The following ABCC8 variants were observed in gnomAD, a reference collection of about 807,000 sequenced individuals.
ABCC8 encodes ATP-binding cassette sub-family C member 8.
ABCC8 carries 137 observed loss-of-function variants against 188.0 expected under a neutral mutation model. That is an observed-to-expected ratio of 0.73 (90% CI 0.63 to 0.84). The LOEUF (loss-of-function observed/expected upper bound fraction) is 0.84. Ranked by LOEUF, ABCC8 falls within the 40% of genes least tolerant of loss-of-function variation. The probability of loss-of-function intolerance (pLI) is 0.00; values close to 1 mark genes in which losing one functional copy is unlikely to be tolerated. For synonymous variants in ABCC8, 797 were observed against 846.5 expected, an observed-to-expected ratio of 0.94 and a Z score of 1.01; for missense variants, 1,750 against 2,072.7, an observed-to-expected ratio of 0.84 and a Z score of 3.02.
rs973230186 is a variant in ABCC8, at chr11:17,470,017, T to C, written c.412+84A>G. On this transcript the variant is annotated intron_variant, in intron 3 of 38. Coordinates refer to ENST00000389817, the MANE Select transcript of ABCC8 (RefSeq NM_000352.6). ...TCCAAATCTCTACTGTTTAGAGCAA[T>C]AGCTGGCACATAATGAGTCCTCAGT... 4 of 1,532,426 alleles carry C rather than the reference T, an allele frequency of 2.6e-6. No homozygotes were observed. In the African/African-American group the frequency reaches 4.1e-5, roughly 16 times the overall value. The allele number at this position is 1,532,426 out of a possible 1,614,324, so 94.9% of individuals were successfully genotyped here. A position where few individuals can be genotyped will look rare whatever the true frequency, so the allele number is the denominator to read the frequency against.
chr11:17,431,501 C>T (rs977223809), intron 11 of ABCC8, among the ~76,000 whole-genome samples: 1 of 152,232 alleles, frequency 6.6e-6, no homozygotes, highest in Non-Finnish European at 1.5e-5. Context: ...GGGACACTGG[C>T]CCCGGGGGAA....
intron 16 of ABCC8, among the ~76,000 whole-genome samples, chr11:17,418,670 A>C (rs993719016): frequency 6.6e-5 from 10 of 152,142 alleles, no homozygotes; most frequent in African/African-American, 2.4e-4. Flanking sequence ...CCCAGCACAC[A>C]GTAAGCTCTC....
rs1954056352 is a variant in ABCC8 at position 17,398,413 on chromosome 11, G to C, written c.3679C>G (p.Leu1227Val). 1.2e-6 allele frequency: 2 copies of C among 1,614,154 alleles called. No individual in the cohort carries two copies. Among genetic ancestry groups the C allele is most frequent in the Non-Finnish European group, 1.7e-6 (2 of 1,180,012 alleles). ...RYEARFQQKL[L>V]EYTDSNNIAS... ...ATGTTGTTGGAGTCTGTGTATTCGAGAAGCTTCTGCTGGAACCGGGCCTCA... is the reference window on the plus strand; with the variant it reads ...ATGTTGTTGGAGTCTGTGTATTCGACAAGCTTCTGCTGGAACCGGGCCTCA... The change falls in exon 30 of 39, where the codon CTC becomes GTC. Residue 1227 changes from leucine to valine, a missense_variant. By Grantham distance (32) the Leu-to-Val change is conservative. Transcript: ENST00000389817.
At chr11:17,459,287 A>G (rs1270242830) in intron 6 of ABCC8, among the ~76,000 whole-genome samples, 3 of 152,236 alleles carry the variant, frequency 2.0e-5, no homozygotes, top group Non-Finnish European at 4.4e-5. Context: ...ACAGCCAGGT[A>G]TGTATTATGT....
intron 10 of ABCC8, among the ~76,000 whole-genome samples, chr11:17,432,510 C>T (rs1237795272): frequency 6.6e-6 from 1 of 152,162 alleles, no homozygotes; most frequent in Non-Finnish European, 1.5e-5. Flanking sequence ...AAGTTAGCCC[C>T]ACGGGAAAGT....
Position 17,427,825 on chromosome 11 carries a change from G to A in ABCC8, c.2116+42C>T. The A allele has an allele frequency of 1.9e-6, 3 of 1,610,728 alleles. No individual in the cohort carries two copies. The highest frequency in any genetic ancestry group is 2.5e-6 in the Non-Finnish European group (3 of 1,178,150). ...TTTTTATCTCTATGTTATTCAGTGG[G>A]ACATGGGGAGGGGCATGCTGGAGGG... On this transcript the variant is annotated intron_variant, in intron 15 of 38. Coordinates refer to ENST00000389817, the MANE Select transcript of ABCC8 (RefSeq NM_000352.6). The surrounding 1 kb of genome is among the most constrained non-coding windows in gnomAD (Gnocchi z 5.0).
intron 30 of ABCC8, 29 bp from the exon 31 acceptor site, chr11:17,397,826 G>A (rs369904679): frequency 1.3e-4 from 217 of 1,611,572 alleles, no homozygotes; most frequent in Non-Finnish European, 1.7e-4. Flanking sequence ...TGACCTGGGC[G>A]CTCAGGGGTT....
At chr11:17,397,148 A>G (rs201164759) in intron 32 of ABCC8, 45 bp downstream of exon 32, 129 of 1,612,454 alleles carry the variant, frequency 8.0e-5, no homozygotes, top group Middle Eastern at 1.6e-4. Flanking sequence ...ACCCAGACAC[A>G]CTCCTCCTTG....
chr11:17,459,344 A>G (rs1442617867), intron 6 of ABCC8, among the ~76,000 whole-genome samples: 1 of 152,162 alleles, frequency 6.6e-6, no homozygotes, highest in Non-Finnish European at 1.5e-5. Flanking sequence ...CATCATAACT[A>G]TTGCTTTCAT....
Position 17,463,621 on chromosome 11 carries a change from G to A in ABCC8, c.413-17C>T. On this transcript the variant is annotated splice_polypyrimidine_tract_variant and intron_variant, in intron 3 of 38. Coordinates refer to ENST00000389817, the MANE Select transcript of ABCC8 (RefSeq NM_000352.6). ...CCAGCAGGGCTGCCGAGGAGAGATG[G>A]AAGATCGCAGAGACGTGTGTGCATC... 1 of 1,562,980 alleles carries A rather than the reference G, an allele frequency of 6.4e-7. No individual in the cohort carries two copies. Among genetic ancestry groups the A allele is most frequent in the African/African-American group, 1.4e-5 (1 of 73,748 alleles).
intron 36 of ABCC8, 140 bp from the exon 37 acceptor site, chr11:17,394,539 G>A: frequency 1.4e-6 from 2 of 1,459,498 alleles, no homozygotes; most frequent in Non-Finnish European, 1.9e-6. Flanking sequence ...GCACAGGCGT[G>A]TGCAGGGCTG....
chr11:17,454,832 A>G (rs1956935695), intron 6 of ABCC8, among the ~76,000 whole-genome samples: 1 of 152,222 alleles, frequency 6.6e-6, no homozygotes, highest in African/African-American at 2.4e-5. Context: ...CCCACTGTCT[A>G]GGCCTCGTCC....
chr11:17,431,169 G>C, intron 11 of ABCC8: 1 of 757,590 alleles, frequency 1.3e-6, no homozygotes, highest in Non-Finnish European at 2.1e-6. Flanking sequence ...GAGAGCAGGG[G>C]CTGCTCCCTC....
In ABCC8 at chr11:17,414,590, T is replaced by C; in HGVS notation, c.2312A>G (p.Tyr771Cys). The C allele has an allele frequency of 3.7e-6, 6 of 1,614,218 alleles. No individual in the cohort carries two copies. Among genetic ancestry groups the C allele is most frequent in the Non-Finnish European group, 5.1e-6 (6 of 1,180,036 alleles). The part of the protein sequence containing the change: ...LDIRKRGPVA[Y>C]ASQKPWLLNA... ...TAGCAGCCATGGTTTCTGCGAAGCA[T>C]AGGCCACGGGGCCTCTCTTCCTGGA... Residue 771 changes from tyrosine (Y) to cysteine (C), a missense_variant, in exon 19 of 39, where the codon TAT becomes TGT. By Grantham distance (194) the Tyr-to-Cys change is radical. Transcript: ENST00000389817.
chr11:17,424,055 T>A (rs1293332060), intron 16 of ABCC8, among the ~76,000 whole-genome samples: 1 of 152,128 alleles, frequency 6.6e-6, no homozygotes, highest in Non-Finnish European at 1.5e-5. Flanking sequence ...TAATAAGTGC[T>A]TAGGCAGGAA....
intron 3 of ABCC8, 40 bp from the exon 4 acceptor site, chr11:17,463,644 A>G (rs1172360873): frequency 1.2e-5 from 19 of 1,554,804 alleles, no homozygotes; most frequent in Non-Finnish European, 1.7e-5. Flanking sequence ...ACGTGTGTGC[A>G]TCATGTGTGT....
Position 17,414,608 on chromosome 11 carries a change from T to A in ABCC8, c.2294A>T (p.Lys765Met), listed in dbSNP as rs572129604. Residue 765 changes from lysine (K) to methionine (M), a missense_variant and splice_region_variant, in exon 19 of 39, where the codon AAG (lysine) becomes ATG (methionine). Coordinates refer to ENST00000389817, the MANE Select transcript of ABCC8 (RefSeq NM_000352.6). ...CGAAGCATAGGCCACGGGGCCTCTC[T>A]TCCTGGAAAAAGCAGGGCGGGAGTA... ...RETATDLDIR[K>M]RGPVAYASQK... 3 of 1,614,220 alleles carry A rather than the reference T, an allele frequency of 1.9e-6. No homozygotes were observed. In the African/African-American group the frequency reaches 4.0e-5, roughly 22 times the overall value.
chr11:17,453,261 A>T lies in ABCC8; in HGVS notation c.1034T>A (p.Phe345Tyr). ...GGCAAGGAACTCTTGGGATGAGACAAAGTAAACCCCGAGAAATTGTGTCTG... is the reference window on the plus strand; with the variant it reads ...GGCAAGGAACTCTTGGGATGAGACATAGTAAACCCCGAGAAATTGTGTCTG... ...QPKTQFLGVY[F>Y]VSSQEFLANA... Residue 345 changes from phenylalanine (F) to tyrosine (Y), a missense_variant, in exon 7 of 39, where the codon TTT (phenylalanine) becomes TAT (tyrosine). Phe to Tyr is a conservative substitution (Grantham distance 22, BLOSUM62 3). Coordinates refer to ENST00000389817, the MANE Select transcript of ABCC8 (RefSeq NM_000352.6). 6.2e-7 allele frequency: 1 copy of T among 1,614,154 alleles called. No homozygotes were observed. Among genetic ancestry groups the T allele is most frequent in the Non-Finnish European group, 8.5e-7 (1 of 1,180,030 alleles).
chr11:17,451,599 G>A (rs722341), intron 7 of ABCC8, among the ~76,000 whole-genome samples: 14,074 of 152,244 alleles, frequency 0.092, 809 homozygotes, highest in Non-Finnish European at 0.13. Context: ...TTCTTCTCCT[G>A]TCTCCCACAT....
Sources: gnomAD v4.1 joint callset for allele counts (sites outside exome capture counted in the v4.1 genomes callset) on GRCh38, gnomAD v4.1.1 for gene constraint, Gnocchi (gnomAD v3.1) non-coding constraint, MANE v1.5 for transcripts, NCBI Gene and HGNC (gene_info 2026-07-23, HGNC 2026-07-21) for gene names.